The following EPB41 variants were observed in gnomAD, a reference collection of about 807,000 sequenced individuals.
EPB41 encodes the protein erythrocyte membrane protein band 4.1.
In EPB41, 65 loss-of-function variants were observed where a neutral mutation model predicts 108.0. That is an observed-to-expected ratio of 0.60 (90% CI 0.49 to 0.74). EPB41 has a LOEUF of 0.74. Ranked by LOEUF, EPB41 falls within the 30% of genes least tolerant of loss-of-function variation. The pLI is 0.00. For missense variants in EPB41, 875 were observed against 1,037.0 expected, an observed-to-expected ratio of 0.84 and a Z score of 2.15; for synonymous variants, 336 against 358.9, an observed-to-expected ratio of 0.94 and a Z score of 0.72.
intron 1 of EPB41, among the ~76,000 whole-genome samples, chr1:28,929,479 C>T (rs1570771306): frequency 6.6e-6 from 1 of 151,970 alleles, no homozygotes; most frequent in African/African-American, 2.4e-5. Flanking sequence ...ATCCGCCCGC[C>T]TCGGCCTCCC....
intron 1 of EPB41, among the ~76,000 whole-genome samples, chr1:28,930,876 T>C (rs1232052114): frequency 6.6e-6 from 1 of 152,208 alleles, no homozygotes; most frequent in East Asian, 1.9e-4. Flanking sequence ...TGGTATATTG[T>C]ACCTTGTGAT....
At chr1:28,994,505 T>C (rs1305079273) in intron 3 of EPB41, among the ~76,000 whole-genome samples, 1 of 152,016 alleles carries the variant, frequency 6.6e-6, no homozygotes, top group Admixed American at 6.6e-5. Context: ...ATCTACTAAC[T>C]ATATATTTTT....
chr1:28,982,546 T>G (rs2095781542), intron 1 of EPB41: 2 of 1,370,796 alleles, frequency 1.5e-6, no homozygotes, highest in Non-Finnish European at 2.1e-6. Flanking sequence ...GATGACGGCT[T>G]TGCATCCAGA....
intron 16 of EPB41, among the ~76,000 whole-genome samples, chr1:29,078,178 C>T (rs902240287): frequency 5.3e-5 from 8 of 152,178 alleles, no homozygotes; most frequent in Middle Eastern, 3.4e-3. Flanking sequence ...AAAATTGCAC[C>T]ACTGCACTCC....
chr1:28,921,993 G>A (rs1307331649), intron 1 of EPB41, among the ~76,000 whole-genome samples: 1 of 93,744 alleles, frequency 1.1e-5, no homozygotes. Flanking sequence ...TTTTTGAGAC[G>A]GAGTCTCTCT....
intron 7 of EPB41, among the ~76,000 whole-genome samples, chr1:29,026,071 A>T (rs2096715003): frequency 7.9e-6 from 1 of 127,088 alleles, no homozygotes; most frequent in Non-Finnish European, 1.8e-5. Context: ...AGCAGTCAGA[A>T]CCCTGGTGAG....
At chr1:29,093,314 C>G (rs1004465684) in intron 16 of EPB41, among the ~76,000 whole-genome samples, 5 of 152,082 alleles carry the variant, frequency 3.3e-5, no homozygotes, top group African/African-American at 1.2e-4. Flanking sequence ...TGATACTGAG[C>G]CTTTTTTCTT....
intron 1 of EPB41, among the ~76,000 whole-genome samples, chr1:28,980,993 G>A (rs1208895540): frequency 6.6e-6 from 1 of 152,014 alleles, no homozygotes; most frequent in Non-Finnish European, 1.5e-5. Context: ...GGCTGGCCTC[G>A]AACTCCTGAC....
intron 8 of EPB41, among the ~76,000 whole-genome samples, chr1:29,030,786 A>G (rs933805037): frequency 1.7e-4 from 26 of 151,734 alleles, no homozygotes; most frequent in Non-Finnish European, 1.9e-4. Flanking sequence ...AAAAAAAAAA[A>G]AGAGAGAGAA....
chr1:28,920,281 C>A (rs1244298190), intron 1 of EPB41, among the ~76,000 whole-genome samples: 2 of 152,154 alleles, frequency 1.3e-5, no homozygotes, highest in African/African-American at 4.8e-5. Context: ...GAGACAGGAA[C>A]ACCTCCATCT....
At chr1:28,900,821 C>A (rs2091209470) in intron 1 of EPB41, among the ~76,000 whole-genome samples, 1 of 152,128 alleles carries the variant, frequency 6.6e-6, no homozygotes, top group South Asian at 2.1e-4. Context: ...ACTTGCCAGT[C>A]CTTTGGCCCA....
intron 1 of EPB41, among the ~76,000 whole-genome samples, chr1:28,948,505 C>CAAAAAAAA (rs34508731): frequency 1.5e-4 from 14 of 90,944 alleles, no homozygotes; most frequent in South Asian, 3.5e-4. Context: ...GACTCCGTAT[C>CAAAAAAAA]AAAAAAAAAA....
intron 12 of EPB41, among the ~76,000 whole-genome samples, chr1:29,057,916 G>A (rs561183566): frequency 6.6e-5 from 10 of 152,310 alleles, no homozygotes; most frequent in Middle Eastern, 3.4e-3. Context: ...GAATGTTGCA[G>A]CTGAATCCTG....
intron 7 of EPB41, among the ~76,000 whole-genome samples, chr1:29,022,566 C>CGAA (rs564430819): frequency 6.6e-6 from 1 of 151,408 alleles, no homozygotes; most frequent in African/African-American, 2.4e-5. Flanking sequence ...ACTAAAAATA[C>CGAA]AAAAATTAGC....
upstream of EPB41, among the ~76,000 whole-genome samples, chr1:28,910,665 C>T (rs138278712): frequency 6.6e-5 from 10 of 152,316 alleles, no homozygotes; most frequent in East Asian, 1.9e-3. Context: ...CATCTAATTT[C>T]ACCCTCTTAT....
chr1:28,967,371 T>C (rs2095385335), intron 1 of EPB41, among the ~76,000 whole-genome samples: 2 of 152,184 alleles, frequency 1.3e-5, no homozygotes, highest in African/African-American at 4.8e-5. Context: ...GTACCTCATT[T>C]AAAAGAAAGT....
chr1:28,915,205 A>G (rs1325932225), intron 1 of EPB41, among the ~76,000 whole-genome samples: 1 of 152,128 alleles, frequency 6.6e-6, no homozygotes, highest in Non-Finnish European at 1.5e-5. Context: ...CTGTCTGCAG[A>G]AGTCAGGCGG....
chr1:29,061,845 A>C (rs1191203220), intron 15 of EPB41, among the ~76,000 whole-genome samples: 3 of 151,384 alleles, frequency 2.0e-5, no homozygotes, highest in Non-Finnish European at 4.4e-5. Context: ...CTCCCAAAGT[A>C]CCGGGGTTAC....
chr1:28,990,732 A>G (rs2095998982), intron 2 of EPB41, among the ~76,000 whole-genome samples: 1 of 151,986 alleles, frequency 6.6e-6, no homozygotes, highest in African/African-American at 2.4e-5. Context: ...GGGGTTTTTA[A>G]CTGCTTTTTT....
Sources: gnomAD v4.1 joint callset for allele counts (sites outside exome capture counted in the v4.1 genomes callset) on GRCh38, gnomAD v4.1.1 for gene constraint, MANE v1.5 for transcripts, NCBI Gene and HGNC (gene_info 2026-07-23, HGNC 2026-07-21) for gene names.